The following DYNC2H1 variants were observed in gnomAD, a reference collection of about 807,000 sequenced individuals.
DYNC2H1 encodes cytoplasmic dynein 2 heavy chain 1.
DYNC2H1 carries 410 observed loss-of-function variants against 570.0 expected under a neutral mutation model. The observed-to-expected ratio is 0.72, with a 90% CI of 0.66 to 0.78. The LOEUF is 0.78. Among genes scored for constraint, DYNC2H1 ranks in the 30% least tolerant of loss-of-function variants. The probability of loss-of-function intolerance (pLI) is 0.00; values close to 1 mark genes in which losing one functional copy is unlikely to be tolerated. For missense variants in DYNC2H1, 4,865 were observed against 5,046.4 expected, an observed-to-expected ratio of 0.96 and a Z score of 1.09; for synonymous variants, 1,688 against 1,677.6, an observed-to-expected ratio of 1.01 and a Z score of -0.15.
chr11:103,459,182 G>A (rs368746045), intron 87 of DYNC2H1, among the ~76,000 whole-genome samples: 3,269 of 148,028 alleles, frequency 0.022, 75 homozygotes, highest in Middle Eastern at 0.052. Context: ...AGTGGCGGGC[G>A]CCTGTAGTCC....
intron 78 of DYNC2H1, among the ~76,000 whole-genome samples, chr11:103,309,237 C>A (rs754582891): frequency 2.4e-5 from 3 of 127,138 alleles, no homozygotes; most frequent in Non-Finnish European, 4.7e-5. Context: ...TGCAGTGATG[C>A]TATCACAGCT....
chr11:103,200,560 G>A (rs1040520322), intron 50 of DYNC2H1, among the ~76,000 whole-genome samples: 1 of 152,138 alleles, frequency 6.6e-6, no homozygotes, highest in East Asian at 1.9e-4. Context: ...AAAATAGGTA[G>A]TATAATTTAT....
At chr11:103,428,194 T>TA (rs1339202344) in intron 84 of DYNC2H1, among the ~76,000 whole-genome samples, 1 of 150,636 alleles carries the variant, frequency 6.6e-6, no homozygotes, top group Non-Finnish European at 1.5e-5. Context: ...GCTTTTTTTT[T>TA]TTTTTTCAGA....
chr11:103,312,491 G>A (rs1425582324), intron 79 of DYNC2H1, among the ~76,000 whole-genome samples: 2 of 131,956 alleles, frequency 1.5e-5, no homozygotes, highest in African/African-American at 2.9e-5. Context: ...GCAGTGAGCC[G>A]AGATCACGCC....
At chr11:103,114,874 A>G (rs1350893737) in intron 3 of DYNC2H1, among the ~76,000 whole-genome samples, 1 of 152,156 alleles carries the variant, frequency 6.6e-6, no homozygotes, top group African/African-American at 2.4e-5. Flanking sequence ...GGTAAGGTAC[A>G]TTACAACCTT....
At position 103,209,313 on chromosome 11, in the gene DYNC2H1, A is replaced by G. The variant is rs983769022; in HGVS notation, c.8455-563A>G. Among the ~76,000 whole-genome samples the G allele has an allele frequency of 2.0e-5, 3 of 151,968 alleles. No individual in the cohort carries two copies. Among genetic ancestry groups the G allele is most frequent in the African/African-American group, 7.2e-5 (3 of 41,408 alleles). On this transcript the variant is annotated intron_variant, in intron 52 of 88. Transcript: ENST00000375735. This position sits in a 1 kb window ranked among gnomAD's most constrained non-coding sequence, Gnocchi z 4.2. ...TTGTATATTCTAAAGTAGCATTCTT[A>G]TAAGGTTATCTTTACTTTAATAATA...
chr11:103,152,330 A>G lies in DYNC2H1; in HGVS notation c.3096+45A>G, dbSNP rs771530084. 5 of 1,513,712 alleles carry G rather than the reference A, an allele frequency of 3.3e-6. No individual in the cohort carries two copies. In the African/African-American group the frequency reaches 5.7e-5, roughly 17 times the overall value. The allele number at this position is 1,513,712 out of a possible 1,614,324, so 93.8% of individuals were successfully genotyped here. A position where few individuals can be genotyped will look rare whatever the true frequency, so the allele number is the denominator to read the frequency against. ...TTATTAAAATGGGAACTTTTTTCTT[A>G]CTTAAGATTTCTTGCTTATCTTTTA... On this transcript the variant is annotated intron_variant, in intron 21 of 88. Transcript: ENST00000375735.
chr11:103,478,372 G>T (rs1044760104), intron 88 of DYNC2H1, among the ~76,000 whole-genome samples: 4 of 152,148 alleles, frequency 2.6e-5, no homozygotes, highest in African/African-American at 9.7e-5. Context: ...TACCCCTTGT[G>T]TAACCTTGAA....
At position 103,133,660 on chromosome 11, in the gene DYNC2H1, A is replaced by G; in HGVS notation, c.2059A>G (p.Thr687Ala). The change falls in exon 14 of 89, where the codon ACT (threonine) becomes GCT (alanine). Residue 687 changes from threonine to alanine, a missense_variant. Coordinates refer to ENST00000375735, the MANE Select transcript of DYNC2H1 (RefSeq NM_001377.3). The surrounding 1 kb of genome is among the most constrained non-coding windows in gnomAD (Gnocchi z 4.8). ...KLQNAAERLA[T>A]ENRKLRKWHT... ...CCAAAATGCTGCTGAACGGCTTGCC[A>G]CTGAAAATAGAAAACTGAGAAAATG... 1 of 1,613,008 alleles carries G rather than the reference A, an allele frequency of 6.2e-7. No homozygotes were observed. Among genetic ancestry groups the G allele is most frequent in the Non-Finnish European group, 8.5e-7 (1 of 1,179,470 alleles).
rs888467789 is a variant in DYNC2H1, at chr11:103,320,284, C to A, written c.11726-745C>A. ...CGGCGTGGTGGCATGCGCCTGTAAT[C>A]CCAGCTACTCAGGAGGCTAAGGCAG... On this transcript the variant is annotated intron_variant, in intron 80 of 88. Coordinates refer to ENST00000375735, the MANE Select transcript of DYNC2H1 (RefSeq NM_001377.3). 3.3e-5 allele frequency among the ~76,000 whole-genome samples: 5 copies of A among 152,234 alleles called. No individual in the cohort carries two copies. In the East Asian group the frequency reaches 5.8e-4, roughly 18 times the overall value.
intron 84 of DYNC2H1, chr11:103,403,209 G>T (rs961173250): frequency 6.6e-6 from 1 of 151,970 alleles, no homozygotes; most frequent in Non-Finnish European, 1.5e-5. Flanking sequence ...TACTACTGCG[G>T]GTAGACCTAG....
At chr11:103,297,147 A>G (rs1437125697) in intron 75 of DYNC2H1, among the ~76,000 whole-genome samples, 2 of 152,160 alleles carry the variant, frequency 1.3e-5, no homozygotes, top group South Asian at 2.1e-4. Flanking sequence ...CTAAGCTTGT[A>G]TATTTAATGC....
rs1864857719 is a variant in DYNC2H1 at position 103,252,111 on chromosome 11, T to C, written c.10043-1174T>C. 6.6e-6 allele frequency among the ~76,000 whole-genome samples: 1 copy of C among 151,960 alleles called. No homozygotes were observed. The highest frequency in any genetic ancestry group is 1.5e-5 in the Non-Finnish European group (1 of 67,976). ...AGCTAATTAAAAACATTTTTTTTTTTTTTTGCAAAGACGAGGTCTCAGTAT... is the reference window on the plus strand; with the variant it reads ...AGCTAATTAAAAACATTTTTTTTTTCTTTTGCAAAGACGAGGTCTCAGTAT... On this transcript the variant is annotated intron_variant, in intron 65 of 88. Transcript: ENST00000375735. This position sits in a 1 kb window ranked among gnomAD's most constrained non-coding sequence, Gnocchi z 4.6.
rs1366387213 is a variant in DYNC2H1, at chr11:103,134,303, T to C, written c.2107-18T>C. On this transcript the variant is annotated intron_variant, in intron 14 of 88. Transcript: ENST00000375735. The stretch of plus-strand genomic sequence containing the variant: ...TTCCAGCAATACTTTGAGACTAGCA[T>C]GCTCTAATTTTTCATAGGTGGTTGT... 6.2e-7 allele frequency: 1 copy of C among 1,609,978 alleles called. No individual in the cohort carries two copies. Among genetic ancestry groups the C allele is most frequent in the Non-Finnish European group, 8.5e-7 (1 of 1,176,750 alleles).
intron 87 of DYNC2H1, among the ~76,000 whole-genome samples, chr11:103,457,373 A>T (rs1256027572): frequency 6.6e-6 from 1 of 152,160 alleles, no homozygotes; most frequent in African/African-American, 2.4e-5. Flanking sequence ...CATTGTAACC[A>T]TAGGAGATGA....
intron 87 of DYNC2H1, among the ~76,000 whole-genome samples, chr11:103,457,470 G>A (rs1036544670): frequency 7.2e-5 from 11 of 151,964 alleles, no homozygotes; most frequent in Non-Finnish European, 1.5e-4. Flanking sequence ...TCCTGACCCT[G>A]TGGGAGGCCT....
At chr11:103,128,710 T>A (rs1222378155) in intron 12 of DYNC2H1, among the ~76,000 whole-genome samples, 200 bp from the exon 13 acceptor site, 1 of 152,220 alleles carries the variant, frequency 6.6e-6, no homozygotes, top group Admixed American at 6.5e-5. Flanking sequence ...AGGACATGAC[T>A]TGGCAAATTG....
intron 85 of DYNC2H1, among the ~76,000 whole-genome samples, chr11:103,437,532 A>C (rs1417105965): frequency 6.6e-6 from 1 of 152,078 alleles, no homozygotes; most frequent in African/African-American, 2.4e-5. Flanking sequence ...CTAGATCTGG[A>C]AATGAGGTTA....
chr11:103,407,668 ATAG>A (rs1390457764), intron 84 of DYNC2H1: 1 of 151,914 alleles, frequency 6.6e-6, no homozygotes, highest in Non-Finnish European at 1.5e-5. Context: ...TCCTAGAAAA[ATAG>A]TAGTTAGGGC....
Sources: gnomAD v4.1 joint callset for allele counts (sites outside exome capture counted in the v4.1 genomes callset) on GRCh38, gnomAD v4.1.1 for gene constraint, Gnocchi (gnomAD v3.1) non-coding constraint, MANE v1.5 for transcripts, NCBI Gene and HGNC (gene_info 2026-07-23, HGNC 2026-07-21) for gene names.